The following KCND2 variants were observed in gnomAD, a reference collection of about 807,000 sequenced individuals.
The protein encoded by KCND2 is potassium voltage-gated channel subfamily D member 2, also known as A-type voltage-gated potassium channel KCND2.
Under a neutral mutation model 54.4 loss-of-function variants are expected in KCND2, and 16 were observed. That is an observed-to-expected ratio of 0.29 (90% CI 0.20 to 0.45). The LOEUF is 0.45. Ranked by LOEUF, KCND2 falls within the 20% of genes least tolerant of loss-of-function variation. The pLI, the probability that KCND2 is intolerant of heterozygous loss-of-function variation, is 1.00. For missense variants in KCND2, 486 were observed against 824.2 expected (o/e 0.59, Z 5.02); for synonymous variants, 317 against 310.7 (o/e 1.02, Z -0.21).
At chr7:120,404,605 G>C (rs1172884273) in intron 1 of KCND2, among the ~76,000 whole-genome samples, 1 of 152,114 alleles carries the variant, frequency 6.6e-6, no homozygotes, top group Non-Finnish European at 1.5e-5. Flanking sequence ...CCCGTGGAAG[G>C]CAAACTTCTA....
At chr7:120,682,353 G>A (rs1792150088) in intron 1 of KCND2, among the ~76,000 whole-genome samples, 1 of 151,908 alleles carries the variant, frequency 6.6e-6, no homozygotes, top group African/African-American at 2.4e-5. Context: ...TAGTCTTTCA[G>A]GTACATTTTC....
intron 1 of KCND2, among the ~76,000 whole-genome samples, chr7:120,423,374 A>G (rs1032665602): frequency 6.6e-6 from 1 of 152,224 alleles, no homozygotes; most frequent in African/African-American, 2.4e-5. Context: ...AAAGCTATCT[A>G]AAAGATTTTC....
chr7:120,669,859 G>A (rs1289604432), intron 1 of KCND2, among the ~76,000 whole-genome samples: 2 of 152,014 alleles, frequency 1.3e-5, no homozygotes, highest in East Asian at 3.8e-4. Flanking sequence ...ACATGTAATA[G>A]CAAAAACAGT....
At chr7:120,617,392 G>A (rs1793039891) in intron 1 of KCND2, among the ~76,000 whole-genome samples, 1 of 152,144 alleles carries the variant, frequency 6.6e-6, no homozygotes, top group African/African-American at 2.4e-5. Context: ...CGAAAAAGAT[G>A]CTCAACATCA....
chr7:120,392,830 A>G (rs568721550), intron 1 of KCND2, among the ~76,000 whole-genome samples: 36 of 152,084 alleles, frequency 2.4e-4, no homozygotes, highest in African/African-American at 8.4e-4. Context: ...TTAGGATGGT[A>G]AAAGTGACAA....
rs540225071 is a variant in KCND2, at chr7:120,638,347, G to A, written c.1116-94556G>A. Among the ~76,000 whole-genome samples, 281 of 152,200 alleles carry A rather than the reference G, an allele frequency of 1.8e-3. 1 individual carries two copies. The highest frequency in any genetic ancestry group is 6.5e-3 in the African/African-American group (272 of 41,552). On this transcript the variant is annotated intron_variant, in intron 1 of 5. Transcript: ENST00000331113. Reference sequence around the variant, plus strand: ...CACACTGAACCAGAAGCCAACTGAGGGATGGACAAGTTTGATGTCAGAAGT... The same window carrying A: ...CACACTGAACCAGAAGCCAACTGAGAGATGGACAAGTTTGATGTCAGAAGT...
At chr7:120,287,432 G>A (rs912108418) in intron 1 of KCND2, among the ~76,000 whole-genome samples, 2 of 152,038 alleles carry the variant, frequency 1.3e-5, no homozygotes, top group African/African-American at 4.8e-5. Context: ...AGTCTTTGCA[G>A]GTGGGAACCA....
intron 1 of KCND2, among the ~76,000 whole-genome samples, chr7:120,573,534 C>T (rs1476003650): frequency 6.6e-6 from 1 of 152,156 alleles, no homozygotes; most frequent in African/African-American, 2.4e-5. Flanking sequence ...CTCCTAATCT[C>T]TATGCACTAA....
At chr7:120,351,244 G>GTGTATATATATATATATATATA (rs376321316) in intron 1 of KCND2, among the ~76,000 whole-genome samples, 23 of 137,350 alleles carry the variant, frequency 1.7e-4, no homozygotes, top group African/African-American at 6.2e-4. Context: ...TTATATGTGT[G>GTGTATATATATATATATATATA]TATATATATA....
At chr7:120,704,265 A>G (rs1175443935) in intron 1 of KCND2, among the ~76,000 whole-genome samples, 1 of 152,196 alleles carries the variant, frequency 6.6e-6, no homozygotes, top group Non-Finnish European at 1.5e-5. Context: ...AGAAAGAGAC[A>G]TTTCTAAAAT....
At chr7:120,713,137 G>A (rs777160214) in intron 1 of KCND2, among the ~76,000 whole-genome samples, 2 of 152,016 alleles carry the variant, frequency 1.3e-5, no homozygotes, top group Admixed American at 6.6e-5. Flanking sequence ...TCCATATAAG[G>A]TTCTTAGCAT....
chr7:120,297,213 G>A (rs894033600), intron 1 of KCND2, among the ~76,000 whole-genome samples: 1 of 151,876 alleles, frequency 6.6e-6, no homozygotes, highest in South Asian at 2.1e-4. Flanking sequence ...CCAAATGTCT[G>A]TCCAATGAGA....
At chr7:120,695,692 A>G (rs529096027) in intron 1 of KCND2, among the ~76,000 whole-genome samples, 176 of 152,332 alleles carry the variant, frequency 1.2e-3, no homozygotes, top group Middle Eastern at 6.8e-3. Flanking sequence ...GACAGCGGAA[A>G]TGGAAATTTC....
At chr7:120,391,212 C>T (rs1345554318) in intron 1 of KCND2, among the ~76,000 whole-genome samples, 2 of 152,056 alleles carry the variant, frequency 1.3e-5, no homozygotes, top group Non-Finnish European at 2.9e-5. Flanking sequence ...ATGATGATTT[C>T]CAGCTTCTTC....
intron 1 of KCND2, among the ~76,000 whole-genome samples, chr7:120,632,364 T>C (rs1207629386): frequency 6.6e-6 from 1 of 152,136 alleles, no homozygotes; most frequent in Non-Finnish European, 1.5e-5. Context: ...AAATTGAAAG[T>C]AGTTTAACGA....
At chr7:120,672,724 T>C (rs1384876437) in intron 1 of KCND2, 1 of 152,058 alleles carries the variant, frequency 6.6e-6, no homozygotes, top group Non-Finnish European at 1.5e-5. Flanking sequence ...ATTCATATGT[T>C]GAAACCCTAG....
Position 120,274,514 on chromosome 7 carries a change from C to T in KCND2, c.-119C>T, listed in dbSNP as rs924917067. ...CCCTATCTTGGAATAAGAGTTACACCTCTGGACCACGTTTCTCACTAGTAC... is the reference window on the plus strand; with the variant it reads ...CCCTATCTTGGAATAAGAGTTACACTTCTGGACCACGTTTCTCACTAGTAC... On this transcript the variant is annotated 5_prime_UTR_variant, in exon 1 of 6. Transcript: ENST00000331113. The T allele has an allele frequency of 1.4e-5, 16 of 1,157,114 alleles. No individual in the cohort carries two copies. Among genetic ancestry groups the T allele is most frequent in the Non-Finnish European group, 2.0e-5 (15 of 768,064 alleles). 71.7% of individuals were successfully genotyped at this position (1,157,114 alleles called of 1,614,324 possible).
At chr7:120,564,160 A>C (rs1792269540) in intron 1 of KCND2, among the ~76,000 whole-genome samples, 1 of 151,930 alleles carries the variant, frequency 6.6e-6, no homozygotes, top group African/African-American at 2.4e-5. Context: ...AGGTATAATA[A>C]AGCTAGAACC....
At chr7:120,540,012 T>G (rs1791960758) in intron 1 of KCND2, among the ~76,000 whole-genome samples, 1 of 152,096 alleles carries the variant, frequency 6.6e-6, no homozygotes, top group Non-Finnish European at 1.5e-5. Flanking sequence ...AGGGCTAGCT[T>G]ACTCTTGAAG....
Sources: gnomAD v4.1 joint callset for allele counts (sites outside exome capture counted in the v4.1 genomes callset) on GRCh38, gnomAD v4.1.1 for gene constraint, MANE v1.5 for transcripts, NCBI Gene and HGNC (gene_info 2026-07-23, HGNC 2026-07-21) for gene names.